The following PTPRM variants were observed in gnomAD, a reference collection of about 807,000 sequenced individuals.
PTPRM encodes protein tyrosine phosphatase receptor type M, also known as receptor-type tyrosine-protein phosphatase mu.
Under a neutral mutation model 186.7 loss-of-function variants are expected in PTPRM, and 47 were observed. The observed-to-expected ratio is 0.25, with a 90% CI of 0.20 to 0.32. PTPRM has a LOEUF of 0.32. PTPRM is among the 10% of genes least tolerant of loss of function. The pLI is 1.00. For missense variants in PTPRM, 1,494 were observed against 1,865.0 expected, an observed-to-expected ratio of 0.80 and a Z score of 3.66; for synonymous variants, 668 against 674.9, an observed-to-expected ratio of 0.99 and a Z score of 0.16.
intron 2 of PTPRM, among the ~76,000 whole-genome samples, chr18:7,820,953 C>A (rs2045155506): frequency 6.6e-6 from 1 of 152,196 alleles, no homozygotes; most frequent in Non-Finnish European, 1.5e-5. Context: ...CTGCCTCCCC[C>A]AGCCCTGGTC....
intron 1 of PTPRM, among the ~76,000 whole-genome samples, chr18:7,723,785 G>A (rs549269759): frequency 6.6e-6 from 1 of 152,230 alleles, no homozygotes; most frequent in Non-Finnish European, 1.5e-5. Flanking sequence ...CTGGGGGCGC[G>A]GGCTGGGAGA....
intron 2 of PTPRM, among the ~76,000 whole-genome samples, chr18:7,846,309 G>C (rs8089747): frequency 0.52 from 79,552 of 152,046 alleles, 21,258 homozygotes; most frequent in East Asian, 0.73. Flanking sequence ...TGGTTGATTT[G>C]TTTTTGTTTC....
At chr18:8,283,301 A>G (rs2094923816) in intron 19 of PTPRM, among the ~76,000 whole-genome samples, 1 of 152,246 alleles carries the variant, frequency 6.6e-6, no homozygotes, top group African/African-American at 2.4e-5. Flanking sequence ...TGAATCTAGA[A>G]TTATTTCAAA....
intron 7 of PTPRM, among the ~76,000 whole-genome samples, chr18:8,024,302 A>G (rs930747609): frequency 3.9e-5 from 6 of 152,054 alleles, no homozygotes; most frequent in South Asian, 2.1e-4. Flanking sequence ...TCTGACAGCC[A>G]TATCATTTGG....
intron 13 of PTPRM, among the ~76,000 whole-genome samples, chr18:8,124,176 T>G (rs572628612): frequency 6.6e-6 from 1 of 152,290 alleles, no homozygotes; most frequent in South Asian, 2.1e-4. Flanking sequence ...CTCATTTACT[T>G]TGGTTTATTA....
chr18:8,215,507 T>C (rs1470586329), intron 14 of PTPRM, among the ~76,000 whole-genome samples: 1 of 151,604 alleles, frequency 6.6e-6, no homozygotes, highest in African/African-American at 2.4e-5. Context: ...TTTCCTTAAG[T>C]CCTACCTAGT....
chr18:8,222,530 C>T (rs77943472), intron 14 of PTPRM, among the ~76,000 whole-genome samples: 39 of 152,210 alleles, frequency 2.6e-4, no homozygotes, highest in Non-Finnish European at 4.7e-4. Flanking sequence ...GGGCTGGGGA[C>T]GGGATCTCTT....
intron 6 of PTPRM, among the ~76,000 whole-genome samples, chr18:7,953,584 TG>T (rs1462068591): frequency 1.3e-5 from 2 of 152,232 alleles, no homozygotes; most frequent in Admixed American, 1.3e-4. Flanking sequence ...TGTCTTATTT[TG>T]ACTTAGTCGA....
At chr18:8,065,039 A>G (rs755468980) in intron 7 of PTPRM, among the ~76,000 whole-genome samples, 2 of 152,168 alleles carry the variant, frequency 1.3e-5, no homozygotes, top group Non-Finnish European at 2.9e-5. Context: ...GGTAGAAAAG[A>G]GAAACCTGTT....
At chr18:7,963,403 T>C (rs2147201858) in intron 7 of PTPRM, among the ~76,000 whole-genome samples, 1 of 152,304 alleles carries the variant, frequency 6.6e-6, no homozygotes, top group South Asian at 2.1e-4. Context: ...CATGAGAGGT[T>C]CAGAAGCTCC....
intron 7 of PTPRM, among the ~76,000 whole-genome samples, chr18:8,014,246 T>C: frequency 6.6e-6 from 1 of 152,182 alleles, no homozygotes; most frequent in Non-Finnish European, 1.5e-5. Flanking sequence ...CTTTAAAAAA[T>C]AACATGCAAA....
intron 1 of PTPRM, among the ~76,000 whole-genome samples, chr18:7,648,543 G>A (rs1598293876): frequency 6.6e-6 from 1 of 152,200 alleles, no homozygotes; most frequent in Non-Finnish European, 1.5e-5. Flanking sequence ...GATTGAAAGT[G>A]CCACTACAGT....
chr18:7,878,263 A>G (rs9957938), intron 2 of PTPRM, among the ~76,000 whole-genome samples: 152,322 of 152,354 alleles, frequency 1, 76,146 homozygotes, highest in Middle Eastern at 1. Flanking sequence ...GATTACTTAA[A>G]TTCCAGACTT....
At chr18:8,014,162 C>A (rs1223784776) in intron 7 of PTPRM, among the ~76,000 whole-genome samples, 1 of 151,792 alleles carries the variant, frequency 6.6e-6, no homozygotes, top group Non-Finnish European at 1.5e-5. Flanking sequence ...TTTTCATGAC[C>A]TTTAGAATAC....
intron 2 of PTPRM, among the ~76,000 whole-genome samples, chr18:7,804,805 C>T (rs1339768456): frequency 6.6e-6 from 1 of 152,184 alleles, no homozygotes; most frequent in Non-Finnish European, 1.5e-5. Flanking sequence ...CAGTCTTTGT[C>T]AGCAGATTTA....
At chr18:8,011,220 T>C (rs2084507061) in intron 7 of PTPRM, among the ~76,000 whole-genome samples, 1 of 152,100 alleles carries the variant, frequency 6.6e-6, no homozygotes, top group Admixed American at 6.5e-5. Flanking sequence ...GTAGATAAGG[T>C]ATACTCAGGT....
chr18:8,253,812 G>A (rs2094551216), intron 19 of PTPRM, among the ~76,000 whole-genome samples: 1 of 152,262 alleles, frequency 6.6e-6, no homozygotes, highest in African/African-American at 2.4e-5. Context: ...AAGTTCACAT[G>A]CGTTACATGG....
intron 17 of PTPRM, among the ~76,000 whole-genome samples, chr18:8,249,416 CTT>C (rs2094507192): frequency 6.6e-6 from 1 of 152,190 alleles, no homozygotes; most frequent in African/African-American, 2.4e-5. Context: ...TGCCCACACA[CTT>C]TTAATACCAA....
intron 5 of PTPRM, among the ~76,000 whole-genome samples, chr18:7,930,087 G>A (rs575949456): frequency 1.3e-5 from 2 of 151,830 alleles, no homozygotes; most frequent in Non-Finnish European, 2.9e-5. Flanking sequence ...ATATTTTTTT[G>A]AGACAGGGTC....
Sources: gnomAD v4.1 joint callset for allele counts (sites outside exome capture counted in the v4.1 genomes callset) on GRCh38, gnomAD v4.1.1 for gene constraint, MANE v1.5 for transcripts, NCBI Gene and HGNC (gene_info 2026-07-23, HGNC 2026-07-21) for gene names.